The following PI15 variants were observed in gnomAD, a reference collection of about 807,000 sequenced individuals.
PI15 encodes the protein peptidase inhibitor 15, also known as 25 kDa trypsin inhibitor.
A neutral mutation model predicts 31.0 loss-of-function variants in PI15; 18 were observed. The ratio of observed to expected loss-of-function variants is 0.58; its 90% CI spans 0.40 to 0.86. The LOEUF (loss-of-function observed/expected upper bound fraction) is 0.86. Among genes scored for constraint, PI15 ranks in the 40% least tolerant of loss-of-function variants. The pLI is 0.00. For missense variants in PI15, 282 were observed against 328.1 expected (o/e 0.86, Z 1.09); for synonymous variants, 118 against 119.1 (o/e 0.99, Z 0.06).
chr8:74,845,779 A>C (rs1434657056), intron 5 of PI15: 6 of 377,834 alleles, frequency 1.6e-5, no homozygotes, highest in Non-Finnish European at 2.9e-5. Flanking sequence ...TTGTAAAATA[A>C]ACACTGTACC....
rs532978194 is a variant in PI15, at chr8:74,848,041, C to T, written c.642-1077C>T. ...CTTTATAATTAAAAGAGCAAAATAACAGTATGGCATCATGGCAGTTTTTAA... is the reference window on the plus strand; with the variant it reads ...CTTTATAATTAAAAGAGCAAAATAATAGTATGGCATCATGGCAGTTTTTAA... On this transcript the variant is annotated intron_variant, in intron 5 of 5. Coordinates refer to ENST00000260113, the MANE Select transcript of PI15 (RefSeq NM_015886.5). Among the ~76,000 whole-genome samples, 5 of 152,228 alleles carry T rather than the reference C, an allele frequency of 3.3e-5. No individual in the cohort carries two copies. The South Asian group carries it at 1.0e-3, about 32-fold the overall frequency.
chr8:74,828,685 T>C (rs921215420), intron 2 of PI15, among the ~76,000 whole-genome samples: 4 of 152,100 alleles, frequency 2.6e-5, no homozygotes, highest in African/African-American at 9.7e-5. Flanking sequence ...CTCACAGATA[T>C]ATGTGCTGTG....
rs571878620 is a variant in PI15, at chr8:74,849,111, C to A, written c.642-7C>A. On this transcript the variant is annotated splice_polypyrimidine_tract_variant and splice_region_variant and intron_variant, in intron 5 of 5. Coordinates refer to ENST00000260113, the MANE Select transcript of PI15 (RefSeq NM_015886.5). Reference sequence around the variant, plus strand: ...ACTAATGCTATCTTTTTTGTTTTCCCTTCTAGGGGCAATTGGATTGGAGAA... The same window carrying A: ...ACTAATGCTATCTTTTTTGTTTTCCATTCTAGGGGCAATTGGATTGGAGAA... 6.2e-7 allele frequency: 1 copy of A among 1,605,964 alleles called. No homozygotes were observed. Among genetic ancestry groups the A allele is most frequent in the Non-Finnish European group, 8.5e-7 (1 of 1,177,264 alleles).
At chr8:74,825,141 C>T in intron 1 of PI15, 69 bp from the exon 2 acceptor site, 1 of 872,432 alleles carries the variant, frequency 1.1e-6, no homozygotes. Flanking sequence ...CAAATGATGT[C>T]TTTGTAAATT....
chr8:74,824,766 A>C (rs958026036), intron 1 of PI15, 91 bp downstream of exon 1: 1 of 156,852 alleles, frequency 6.4e-6, no homozygotes, highest in Non-Finnish European at 1.4e-5. Context: ...GATTACTATG[A>C]CTTTTTTGTA....
chr8:74,830,944 C>T (rs867354996), intron 2 of PI15, among the ~76,000 whole-genome samples: 6 of 152,130 alleles, frequency 3.9e-5, no homozygotes, highest in Non-Finnish European at 8.8e-5. Context: ...ACTCTACATT[C>T]CTGCTCTCCT....
rs183416670 is a variant in PI15 at position 74,845,611 on chromosome 8, A to G, written c.641+114A>G. The G allele has an allele frequency of 1.8e-5, 12 of 650,664 alleles. No homozygotes were observed. In the East Asian group the frequency reaches 3.2e-4, roughly 17 times the overall value. The allele number at this position is 650,664 out of a possible 1,614,324, so 40.3% of individuals were successfully genotyped here. ...TAAGGCTTAGCTATAATGGCCTCTAATCCTCAAATCCACCATCCTTCCAAT... is the reference window on the plus strand; with the variant it reads ...TAAGGCTTAGCTATAATGGCCTCTAGTCCTCAAATCCACCATCCTTCCAAT... On this transcript the variant is annotated intron_variant, in intron 5 of 5. Transcript: ENST00000260113.
intron 2 of PI15, chr8:74,826,151 G>A (rs994815449): frequency 4.6e-5 from 8 of 175,086 alleles, no homozygotes; most frequent in Non-Finnish European, 7.8e-5. Flanking sequence ...CACATTTTTT[G>A]CTCTTTCTTA....
chr8:74,851,726 C>T lies in PI15; in HGVS notation c.*2473C>T, dbSNP rs1811106875. 2 of 151,936 alleles carry T rather than the reference C, an allele frequency of 1.3e-5. No individual in the cohort carries two copies. The highest frequency in any genetic ancestry group is 4.8e-5 in the African/African-American group (2 of 41,486). The allele number at this position is 151,936 out of a possible 1,614,324, so 9.4% of individuals were successfully genotyped here. On this transcript the variant is annotated 3_prime_UTR_variant, in exon 6 of 6. Coordinates refer to ENST00000260113, the MANE Select transcript of PI15 (RefSeq NM_015886.5). ...AAAATGGCAACAATTTACAGAAATCCCACCTTTCCATGCTTAAGACAAAAA... is the reference window on the plus strand; with the variant it reads ...AAAATGGCAACAATTTACAGAAATCTCACCTTTCCATGCTTAAGACAAAAA...
intron 4 of PI15, 44 bp from the exon 5 acceptor site, chr8:74,845,338 C>T (rs1381245378): frequency 1.3e-6 from 2 of 1,582,838 alleles, no homozygotes; most frequent in East Asian, 4.5e-5. Flanking sequence ...CATGCATTGT[C>T]TTAGCTCTGA....
At chr8:74,837,412 G>A (rs114999491) in intron 2 of PI15, among the ~76,000 whole-genome samples, 5,932 of 152,034 alleles carry the variant, frequency 0.039, 159 homozygotes, top group African/African-American at 0.082. Flanking sequence ...CCTCCTGTCT[G>A]GTTTAACACA....
chr8:74,835,197 T>C (rs1182762961), intron 2 of PI15, among the ~76,000 whole-genome samples: 1 of 152,160 alleles, frequency 6.6e-6, no homozygotes, highest in African/African-American at 2.4e-5. Context: ...CTTTAGAATT[T>C]TTTTTATCTT....
At chr8:74,838,692 C>CT (rs1419533878) in intron 2 of PI15, among the ~76,000 whole-genome samples, 1 of 151,988 alleles carries the variant, frequency 6.6e-6, no homozygotes, top group Non-Finnish European at 1.5e-5. Flanking sequence ...TAAATTTTAT[C>CT]TTTTTAAACA....
chr8:74,840,518 T>C (rs923860262), intron 2 of PI15, among the ~76,000 whole-genome samples: 2 of 152,184 alleles, frequency 1.3e-5, no homozygotes. Flanking sequence ...TTGTAACCAA[T>C]GGAGAAAGAC....
chr8:74,844,950 G>T (rs1433325511), intron 3 of PI15, 178 bp from the exon 4 acceptor site: 2 of 589,566 alleles, frequency 3.4e-6, no homozygotes, highest in Non-Finnish European at 6.0e-6. Flanking sequence ...TTCCATGCTT[G>T]GCCCTAGTTG....
At chr8:74,825,160 C>T (rs147924935) in intron 1 of PI15, 50 bp from the exon 2 acceptor site, 3 of 1,046,232 alleles carry the variant, frequency 2.9e-6, no homozygotes, top group South Asian at 1.4e-5. Context: ...TTCATACCCT[C>T]TGGCCCTATT....
intron 5 of PI15, 55 bp from the exon 6 acceptor site, chr8:74,849,062 AC>A: frequency 6.5e-7 from 1 of 1,527,686 alleles, no homozygotes; most frequent in Middle Eastern, 1.7e-4. Context: ...AGGACAATCT[AC>A]TTTTAAAAAA....
chr8:74,847,432 C>T (rs1216716435), intron 5 of PI15, among the ~76,000 whole-genome samples: 9 of 139,860 alleles, frequency 6.4e-5, no homozygotes, highest in Non-Finnish European at 9.2e-5. Flanking sequence ...GCAACAAGAG[C>T]GAAACTCTGT....
chr8:74,825,362 C>T lies in PI15; in HGVS notation c.113C>T (p.Thr38Ile), dbSNP rs752324352. Reference protein sequence around the residue: ...TDSSPPTNNFTDIEAALKAQL... With the variant: ...TDSSPPTNNFIDIEAALKAQL... The stretch of plus-strand genomic sequence containing the variant: ...TCATCCCCGCCAACCAATAATTTCA[C>T]TGATATTGAAGCAGCTCTGAAAGCA... The change falls in exon 2 of 6, where the codon ACT becomes ATT. Residue 38 changes from threonine to isoleucine, a missense_variant. Coordinates refer to ENST00000260113, the MANE Select transcript of PI15 (RefSeq NM_015886.5). The T allele has an allele frequency of 1.4e-5, 23 of 1,613,476 alleles. No individual in the cohort carries two copies. The highest frequency in any genetic ancestry group is 1.9e-5 in the Non-Finnish European group (23 of 1,179,604).
Sources: gnomAD v4.1 joint callset for allele counts (sites outside exome capture counted in the v4.1 genomes callset) on GRCh38, gnomAD v4.1.1 for gene constraint, MANE v1.5 for transcripts, NCBI Gene and HGNC (gene_info 2026-07-23, HGNC 2026-07-21) for gene names.